The following MGAT4C variants were observed in gnomAD, a reference collection of about 807,000 sequenced individuals.
MGAT4C encodes the protein MGAT4 family member C, also known as alpha-1,3-mannosyl-glycoprotein 4-beta-N-acetylglucosaminyltransferase C.
Under a neutral mutation model 40.1 loss-of-function variants are expected in MGAT4C, and 19 were observed. That is an observed-to-expected ratio of 0.47 (90% CI 0.33 to 0.70). The LOEUF (loss-of-function observed/expected upper bound fraction) is 0.70, where lower values mean the gene tolerates loss of function less well. Among genes scored for constraint, MGAT4C ranks in the 30% least tolerant of loss-of-function variants. MGAT4C has a pLI of 0.02. For synonymous variants in MGAT4C, 181 were observed against 187.1 expected (o/e 0.97, Z 0.27); for missense variants, 491 against 563.2 (o/e 0.87, Z 1.30).
Position 85,979,719 on chromosome 12 carries a change from T to C in MGAT4C, c.1007A>G (p.Asp336Gly), listed in dbSNP as rs781372905. ...ACTTGCAGGGGGGTTATCAGGAATG[T>C]CAAATGACTCCTCTTCAAAATCATC... is the stretch of plus-strand genomic sequence containing the variant. The part of the protein sequence containing the change: ...KDDDFEEESF[D>G]IPDNPPASLY... Residue 336 changes from aspartate to glycine, a missense_variant, in exon 5 of 5, where the codon GAC (aspartate) becomes GGC (glycine). By Grantham distance (94) the Asp-to-Gly change is moderately conservative. Transcript: ENST00000611864. The C allele has an allele frequency of 6.2e-7, 1 of 1,613,528 alleles. No individual in the cohort carries two copies. The highest frequency in any genetic ancestry group is 8.5e-7 in the Non-Finnish European group (1 of 1,179,784).
chr12:86,374,698 G>A (rs1428720008), intron 3 of MGAT4C, among the ~76,000 whole-genome samples: 1 of 152,100 alleles, frequency 6.6e-6, no homozygotes, highest in African/African-American at 2.4e-5. Flanking sequence ...GCTTCACCAT[G>A]CACTTGGCCT....
At chr12:86,714,112 A>G (rs1344837217) in intron 2 of MGAT4C, among the ~76,000 whole-genome samples, 1 of 152,172 alleles carries the variant, frequency 6.6e-6, no homozygotes, top group Non-Finnish European at 1.5e-5. Context: ...TCTGATAGGC[A>G]TCCATTGAAT....
intron 3 of MGAT4C, among the ~76,000 whole-genome samples, chr12:86,367,214 G>C (rs1463476718): frequency 6.6e-6 from 1 of 151,892 alleles, no homozygotes; most frequent in Non-Finnish European, 1.5e-5. Flanking sequence ...GTAAAACACA[G>C]ATAAGATAGC....
intron 4 of MGAT4C, among the ~76,000 whole-genome samples, chr12:86,328,100 C>A (rs745742090): frequency 2.0e-5 from 3 of 152,052 alleles, no homozygotes; most frequent in Non-Finnish European, 4.4e-5. Flanking sequence ...CAATGTGCCA[C>A]CTTTACATTA....
chr12:86,080,663 G>A (rs984756564), intron 1 of MGAT4C, among the ~76,000 whole-genome samples: 1 of 152,076 alleles, frequency 6.6e-6, no homozygotes, highest in African/African-American at 2.4e-5. Context: ...TGCAACCAGA[G>A]TTTCATGTCT....
intron 2 of MGAT4C, among the ~76,000 whole-genome samples, chr12:86,474,777 T>C (rs1337162941): frequency 6.6e-6 from 1 of 152,126 alleles, no homozygotes; most frequent in Non-Finnish European, 1.5e-5. Flanking sequence ...GCGAATTCAA[T>C]GCTATGCATG....
intron 2 of MGAT4C, among the ~76,000 whole-genome samples, chr12:86,464,381 G>A (rs1455529520): frequency 7.9e-5 from 12 of 152,062 alleles, no homozygotes; most frequent in Non-Finnish European, 1.3e-4. Context: ...AATTGTATCC[G>A]CAGTTCTTAA....
intron 2 of MGAT4C, among the ~76,000 whole-genome samples, chr12:86,521,073 A>G (rs563173735): frequency 6.6e-6 from 1 of 152,262 alleles, no homozygotes; most frequent in African/African-American, 2.4e-5. Context: ...CTTTAGTTAA[A>G]TTAGATCCCA....
At chr12:86,195,937 T>A (rs919133732) in intron 1 of MGAT4C, among the ~76,000 whole-genome samples, 1 of 152,226 alleles carries the variant, frequency 6.6e-6, no homozygotes, top group Non-Finnish European at 1.5e-5. Context: ...ATATTATATG[T>A]AAATATTTCT....
At chr12:86,043,147 A>T (rs1299661486) in intron 2 of MGAT4C, among the ~76,000 whole-genome samples, 2 of 152,162 alleles carry the variant, frequency 1.3e-5, no homozygotes, top group Non-Finnish European at 2.9e-5. Flanking sequence ...GGAAATTTTC[A>T]TGGGTGATAC....
rs538915280 is a variant in MGAT4C at position 86,358,120 on chromosome 12, T to C, written c.-119-23993A>G. On this transcript the variant is annotated intron_variant, in intron 3 of 7. Coordinates refer to the MGAT4C transcript ENST00000548651. ...GACAAAGGGAAGCCCATCAGATTAATAGCTGATCTCTCAGCAGAAACTCTC... is the reference window on the plus strand; with the variant it reads ...GACAAAGGGAAGCCCATCAGATTAACAGCTGATCTCTCAGCAGAAACTCTC... Among the ~76,000 whole-genome samples, 355 of 152,272 alleles carry C rather than the reference T, an allele frequency of 2.3e-3. 1 individual carries two copies. The highest frequency in any genetic ancestry group is 5.0e-3 in the South Asian group (24 of 4,826).
intron 4 of MGAT4C, among the ~76,000 whole-genome samples, chr12:86,288,850 A>T (rs528312938): frequency 2.0e-5 from 3 of 152,028 alleles, no homozygotes; most frequent in Non-Finnish European, 4.4e-5. Flanking sequence ...ATTTTCTCCC[A>T]TTCTGTAGGT....
intron 2 of MGAT4C, among the ~76,000 whole-genome samples, chr12:86,550,553 C>T (rs1258690653): frequency 3.3e-5 from 5 of 152,180 alleles, no homozygotes; most frequent in African/African-American, 7.2e-5. Context: ...GGCCAGTAGG[C>T]ACTGCACCTC....
At chr12:86,287,878 C>T (rs2136124800) in intron 4 of MGAT4C, among the ~76,000 whole-genome samples, 1 of 152,288 alleles carries the variant, frequency 6.6e-6, no homozygotes, top group African/African-American at 2.4e-5. Context: ...AATGGGATTG[C>T]TGAGTCAAAT....
chr12:86,145,249 C>G (rs1051440501), intron 1 of MGAT4C, among the ~76,000 whole-genome samples: 2 of 152,122 alleles, frequency 1.3e-5, no homozygotes, highest in African/African-American at 4.8e-5. Flanking sequence ...CCAACATTAA[C>G]ACAGACTTTC....
chr12:86,696,377 A>T (rs1037594860), intron 2 of MGAT4C, among the ~76,000 whole-genome samples: 1 of 152,226 alleles, frequency 6.6e-6, no homozygotes, highest in African/African-American at 2.4e-5. Flanking sequence ...ACTAAAAAAA[A>T]GTGGTTAGTC....
chr12:86,102,218 A>G (rs1029991046), intron 1 of MGAT4C, among the ~76,000 whole-genome samples: 1 of 151,996 alleles, frequency 6.6e-6, no homozygotes, highest in African/African-American at 2.4e-5. Context: ...TGATGTAGAA[A>G]TGGAATGAAC....
chr12:86,137,100 C>A (rs1593041140), intron 1 of MGAT4C, among the ~76,000 whole-genome samples: 1 of 152,152 alleles, frequency 6.6e-6, no homozygotes. Context: ...TGTCAGGATA[C>A]CAGAATGTCC....
At chr12:86,656,936 A>T (rs939382880) in intron 2 of MGAT4C, among the ~76,000 whole-genome samples, 7 of 152,032 alleles carry the variant, frequency 4.6e-5, no homozygotes, top group Non-Finnish European at 8.8e-5. Flanking sequence ...AATATGTTCA[A>T]ACATTTTGAT....
Sources: allele counts gnomAD v4.1 joint callset (sites outside exome capture counted in the v4.1 genomes callset), GRCh38; gene constraint gnomAD v4.1.1; transcripts MANE v1.5; gene names NCBI Gene and HGNC (gene_info 2026-07-23, HGNC 2026-07-21).